Variants in QTMAN observed in about 807,000 individuals in gnomAD.
QTMAN encodes the protein queuosine-tRNA mannosyltransferase.
chr2:144,133,529 TATATATAAAG>T, the QTMAN span, among the ~76,000 whole-genome samples: 1 of 95,678 alleles, frequency 1.0e-5, no homozygotes, highest in Admixed American at 1.8e-4. Flanking sequence ...TATAAATAAA[TATATATAAAG>T]ATATAAAGAT....
At chr2:143,946,764 C>T in the QTMAN span, 1 of 387,474 alleles carries the variant, frequency 2.6e-6, no homozygotes, top group African/African-American at 2.1e-5. Context: ...TACAACAGGC[C>T]ACATATTTTT....
At chr2:144,189,557 G>A in the QTMAN span, among the ~76,000 whole-genome samples, 6 of 152,198 alleles carry the variant, frequency 3.9e-5, no homozygotes, top group East Asian at 1.9e-4. Context: ...TTGAGCAACC[G>A]TTGCCTACAG....
chr2:144,275,741 C>T, the QTMAN span, among the ~76,000 whole-genome samples: 2 of 151,648 alleles, frequency 1.3e-5, no homozygotes, highest in Non-Finnish European at 2.9e-5. Flanking sequence ...AGTCCAACAA[C>T]CTATTCCAAT....
chr2:144,175,929 T>G, the QTMAN span, among the ~76,000 whole-genome samples: 1 of 152,174 alleles, frequency 6.6e-6, no homozygotes. Context: ...GCTCTGAAAG[T>G]GCTGAGATTA....
At chr2:144,145,490 T>A in the QTMAN span, 4 of 935,652 alleles carry the variant, frequency 4.3e-6, no homozygotes, top group Admixed American at 8.9e-5. Context: ...TGTACAATAG[T>A]AGGTCTCCAG....
the QTMAN span, among the ~76,000 whole-genome samples, chr2:144,187,255 G>A: frequency 4.6e-5 from 7 of 152,192 alleles, no homozygotes; most frequent in African/African-American, 1.7e-4. Flanking sequence ...AAATATAAGG[G>A]CATGGCCCTG....
the QTMAN span, among the ~76,000 whole-genome samples, chr2:144,272,136 C>T: frequency 6.6e-6 from 1 of 151,958 alleles, no homozygotes; most frequent in South Asian, 2.1e-4. Context: ...CAAATAACTC[C>T]AAAGAAAAAT....
chr2:144,224,656 C>A, the QTMAN span, among the ~76,000 whole-genome samples: 1 of 151,872 alleles, frequency 6.6e-6, no homozygotes, highest in Non-Finnish European at 1.5e-5. Context: ...GAAGAAGGGG[C>A]GAGGGGATTG....
At chr2:144,196,182 T>C in the QTMAN span, among the ~76,000 whole-genome samples, 106 of 150,458 alleles carry the variant, frequency 7.0e-4, no homozygotes, top group South Asian at 2.1e-3. Context: ...CATAATACAA[T>C]TGTCACATGT....
At chr2:144,310,846 A>G in the QTMAN span, among the ~76,000 whole-genome samples, 1 of 152,238 alleles carries the variant, frequency 6.6e-6, no homozygotes, top group Non-Finnish European at 1.5e-5. Context: ...TCCTTTAAAT[A>G]TCCATATGGA....
the QTMAN span, among the ~76,000 whole-genome samples, chr2:144,017,856 C>G: frequency 3.3e-5 from 5 of 152,138 alleles, no homozygotes; most frequent in Non-Finnish European, 7.4e-5. Flanking sequence ...ATTTTATAAA[C>G]TAGAGACCCA....
the QTMAN span, among the ~76,000 whole-genome samples, chr2:144,102,527 C>A: frequency 6.6e-6 from 1 of 152,168 alleles, no homozygotes; most frequent in South Asian, 2.1e-4. Context: ...AGTGATCCAG[C>A]CCCACCCTAT....
the QTMAN span, chr2:144,178,875 C>T: frequency 2.5e-6 from 1 of 396,368 alleles, no homozygotes; most frequent in South Asian, 1.9e-5. Flanking sequence ...AGGCTTCTTG[C>T]ATTTTCAATG....
the QTMAN span, among the ~76,000 whole-genome samples, chr2:144,044,249 T>C: frequency 1.3e-5 from 2 of 152,178 alleles, no homozygotes. Flanking sequence ...AAAAAATACA[T>C]ACATATATAT....
the QTMAN span, among the ~76,000 whole-genome samples, chr2:144,071,398 G>A: frequency 4.6e-5 from 7 of 151,868 alleles, no homozygotes; most frequent in African/African-American, 1.5e-4. Flanking sequence ...AATTAATCCC[G>A]ATTATGCAAA....
the QTMAN span, among the ~76,000 whole-genome samples, chr2:144,285,882 G>A: frequency 3.3e-5 from 5 of 152,070 alleles, no homozygotes; most frequent in Admixed American, 2.0e-4. Context: ...CCAGTCCCTC[G>A]TGCCCTTCTA....
At chr2:143,999,996 G>A in the QTMAN span, among the ~76,000 whole-genome samples, 1 of 151,988 alleles carries the variant, frequency 6.6e-6, no homozygotes, top group Admixed American at 6.6e-5. Flanking sequence ...AAGAGGCAAT[G>A]AGAAACTAAA....
chr2:144,282,169 G>T, the QTMAN span, among the ~76,000 whole-genome samples: 97 of 152,144 alleles, frequency 6.4e-4, no homozygotes, highest in African/African-American at 2.2e-3. Flanking sequence ...TAAACATGGG[G>T]CCCAGCATTC....
chr2:144,068,942 TC>T, the QTMAN span, among the ~76,000 whole-genome samples: 1 of 152,198 alleles, frequency 6.6e-6, no homozygotes, highest in East Asian at 1.9e-4. Flanking sequence ...TCGCCCTTTA[TC>T]ATTTAGTATT....
Sources: allele counts gnomAD v4.1 joint callset (sites outside exome capture counted in the v4.1 genomes callset), GRCh38; gene constraint gnomAD v4.1.1; transcripts MANE v1.5; gene names NCBI Gene and HGNC (gene_info 2026-07-23, HGNC 2026-07-21).